The following DOCK1 variants were observed in gnomAD, a reference collection of about 807,000 sequenced individuals.
The protein encoded by DOCK1 is dedicator of cytokinesis protein 1.
Under a neutral mutation model 262.7 loss-of-function variants are expected in DOCK1, and 138 were observed. That is an observed-to-expected ratio of 0.53 (90% CI 0.46 to 0.61). DOCK1 has a LOEUF of 0.61. Among genes scored for constraint, DOCK1 ranks in the 20% least tolerant of loss-of-function variants. The pLI, the probability that DOCK1 is intolerant of heterozygous loss-of-function variation, is 0.00. For synonymous variants in DOCK1, 866 were observed against 867.4 expected, an observed-to-expected ratio of 1.00 and a Z score of 0.03; for missense variants, 1,908 against 2,370.7, an observed-to-expected ratio of 0.80 and a Z score of 4.05.
At chr10:127,066,787 A>G (rs982932779) in intron 23 of DOCK1, among the ~76,000 whole-genome samples, 6 of 152,230 alleles carry the variant, frequency 3.9e-5, no homozygotes, top group Non-Finnish European at 8.8e-5. Context: ...CAATAGCCCT[A>G]TTAAGTAGAT....
chr10:126,950,294 A>T (rs2036094839), intron 1 of DOCK1, among the ~76,000 whole-genome samples: 1 of 151,978 alleles, frequency 6.6e-6, no homozygotes, highest in Non-Finnish European at 1.5e-5. Context: ...TTTGGGTGGC[A>T]GTTCTTACCT....
At chr10:127,189,741 T>C (rs2056576097) in intron 27 of DOCK1, among the ~76,000 whole-genome samples, 1 of 152,206 alleles carries the variant, frequency 6.6e-6, no homozygotes, top group South Asian at 2.1e-4. Context: ...CACAGTACGT[T>C]TGCACATGGC....
chr10:127,301,549 C>T (rs79686167), intron 29 of DOCK1, among the ~76,000 whole-genome samples: 16,607 of 152,098 alleles, frequency 0.11, 1,152 homozygotes, highest in African/African-American at 0.19. Context: ...GTGTGGTCAC[C>T]GGTGAATATA....
At chr10:127,135,530 A>C (rs1342507177) in intron 27 of DOCK1, 1 of 152,642 alleles carries the variant, frequency 6.6e-6, no homozygotes, top group Admixed American at 6.5e-5. Flanking sequence ...ACATAAGGGA[A>C]CCCTGTGCGT....
At chr10:126,909,559 C>G (rs2031452490) in intron 1 of DOCK1, among the ~76,000 whole-genome samples, 1 of 152,118 alleles carries the variant, frequency 6.6e-6, no homozygotes, top group African/African-American at 2.4e-5. Flanking sequence ...GTAGTGAACC[C>G]AAGTGTGCTC....
chr10:127,418,364 G>A lies in DOCK1; in HGVS notation c.4516-1G>A. The A allele has an allele frequency of 6.2e-7, 1 of 1,607,864 alleles. No homozygotes were observed. Among genetic ancestry groups the A allele is most frequent in the Non-Finnish European group, 8.5e-7 (1 of 1,176,322 alleles). On this transcript the variant is annotated splice_acceptor_variant, in intron 44 of 51. Coordinates refer to ENST00000623213, the MANE Select transcript of DOCK1 (RefSeq NM_001290223.2). LOFTEE classifies it high-confidence loss of function. ...CATCGGGCTCTCCTCTCTCTTTGCA[G>A]GTGGAAATCAGCCCCCTGGAGAATG...
intron 27 of DOCK1, among the ~76,000 whole-genome samples, chr10:127,232,324 A>G (rs752821913): frequency 6.6e-6 from 1 of 152,094 alleles, no homozygotes; most frequent in Non-Finnish European, 1.5e-5. Flanking sequence ...AATGTCTTGT[A>G]TATTTAGAGA....
At chr10:127,429,309 A>C (rs1182440387) in intron 47 of DOCK1, among the ~76,000 whole-genome samples, 1 of 152,008 alleles carries the variant, frequency 6.6e-6, no homozygotes, top group Admixed American at 6.5e-5. Flanking sequence ...CCATCCTTTG[A>C]CCGCAACAGC....
At chr10:127,112,988 A>T (rs969468203) in intron 25 of DOCK1, among the ~76,000 whole-genome samples, 1 of 152,136 alleles carries the variant, frequency 6.6e-6, no homozygotes, top group Admixed American at 6.5e-5. Context: ...GTCAGGAGAG[A>T]TTTATCACCA....
At chr10:127,153,115 C>G (rs1190769514) in intron 27 of DOCK1, among the ~76,000 whole-genome samples, 1 of 152,148 alleles carries the variant, frequency 6.6e-6, no homozygotes, top group Admixed American at 6.5e-5. Flanking sequence ...CCAGTCTAAA[C>G]TTTAGAAAAA....
chr10:127,251,105 G>A (rs933224217), intron 28 of DOCK1, among the ~76,000 whole-genome samples: 2 of 151,886 alleles, frequency 1.3e-5, no homozygotes, highest in African/African-American at 4.8e-5. Flanking sequence ...TGGGATTACA[G>A]GCATGCACCA....
At chr10:127,110,451 G>A (rs1741081505) in intron 25 of DOCK1, 97 bp downstream of exon 25, 1 of 1,107,714 alleles carries the variant, frequency 9.0e-7, no homozygotes, top group Non-Finnish European at 1.3e-6. Flanking sequence ...AGGAGTAGAG[G>A]CTGCAACCAA....
chr10:127,368,946 G>T (rs2065067934), intron 33 of DOCK1, among the ~76,000 whole-genome samples: 1 of 152,182 alleles, frequency 6.6e-6, no homozygotes, highest in African/African-American at 2.4e-5. Context: ...GGAAAAAGCT[G>T]CCCAGCAAAA....
intron 29 of DOCK1, among the ~76,000 whole-genome samples, chr10:127,336,541 T>TTG (rs2063199567): frequency 6.6e-6 from 1 of 151,844 alleles, no homozygotes; most frequent in Non-Finnish European, 1.5e-5. Flanking sequence ...CATAGTTTTT[T>TTG]TTTTTTTTTT....
chr10:127,155,599 G>A (rs768336493), intron 27 of DOCK1, among the ~76,000 whole-genome samples: 2 of 152,056 alleles, frequency 1.3e-5, no homozygotes, highest in Non-Finnish European at 2.9e-5. Context: ...CACCAGACAC[G>A]GTGATTTTGT....
At chr10:127,140,500 G>A (rs1309526124) in intron 27 of DOCK1, among the ~76,000 whole-genome samples, 2 of 152,154 alleles carry the variant, frequency 1.3e-5, no homozygotes, top group Non-Finnish European at 2.9e-5. Context: ...ATCTGCGTGT[G>A]GGATGACGCC....
At position 127,433,656 on chromosome 10, in the gene DOCK1, G is replaced by C. The variant is rs563675131; in HGVS notation, c.5060+228G>C. On this transcript the variant is annotated intron_variant, in intron 48 of 51. Transcript: ENST00000623213. ...ATCCTCTCTTTGGGTACCACTTTGGGTGAGGTTTTCATCCAATTTAGAACC... is the reference window on the plus strand; with the variant it reads ...ATCCTCTCTTTGGGTACCACTTTGGCTGAGGTTTTCATCCAATTTAGAACC... Among the ~76,000 whole-genome samples, 8 of 152,078 alleles carry C rather than the reference G, an allele frequency of 5.3e-5. No homozygotes were observed. The Middle Eastern group carries it at 0.01, about 194-fold the overall frequency.
chr10:127,262,075 T>C (rs2060178301), intron 29 of DOCK1, among the ~76,000 whole-genome samples: 2 of 142,708 alleles, frequency 1.4e-5, no homozygotes, highest in Admixed American at 1.4e-4. Flanking sequence ...TGTGTGCATG[T>C]GGGTGTGTGT....
chr10:127,367,038 A>G (rs780832258), intron 33 of DOCK1, among the ~76,000 whole-genome samples: 2 of 152,236 alleles, frequency 1.3e-5, no homozygotes, highest in African/African-American at 4.8e-5. Context: ...ATATATGTCC[A>G]GGTGTATTTT....
Sources: gnomAD v4.1 joint callset for allele counts (sites outside exome capture counted in the v4.1 genomes callset) on GRCh38, gnomAD v4.1.1 for gene constraint, MANE v1.5 for transcripts, NCBI Gene and HGNC (gene_info 2026-07-23, HGNC 2026-07-21) for gene names.